The following PVT1 variants were observed in gnomAD, a reference collection of about 807,000 sequenced individuals.
PVT1 encodes Pvt1 oncogene, also known as CXCR4/PVT1 fusion.
At chr8:128,018,646 G>A (rs1817400511) in intron 4 of PVT1, among the ~76,000 whole-genome samples, 2 of 152,206 alleles carry the variant, frequency 1.3e-5, no homozygotes, top group African/African-American at 2.4e-5. Flanking sequence ...GAGAGCTTCA[G>A]CTCGTCTGTG....
intron 2 of PVT1, among the ~76,000 whole-genome samples, chr8:127,870,274 GACACAGCT>G (rs1815338025): frequency 6.6e-6 from 1 of 152,144 alleles, no homozygotes; most frequent in Admixed American, 6.5e-5. Flanking sequence ...AGATTAGAGT[GACACAGCT>G]ACAAGCCAAG....
chr8:128,033,959 G>A (rs1283139003), intron 4 of PVT1, among the ~76,000 whole-genome samples: 2 of 152,068 alleles, frequency 1.3e-5, no homozygotes, highest in African/African-American at 4.8e-5. Context: ...GTGATTCCTG[G>A]GTGGCCAGAG....
rs1032964520 is a variant in PVT1 at position 127,943,670 on chromosome 8, G to GTGT, written n.783-45489_783-45487dup. Among the ~76,000 whole-genome samples, 19 of 152,314 alleles carry GTGT rather than the reference G, an allele frequency of 1.2e-4. No homozygotes were observed. The East Asian group carries it at 3.7e-3, about 29-fold the overall frequency. On this transcript the variant is annotated intron_variant and non_coding_transcript_variant, in intron 3 of 10. Coordinates refer to ENST00000651587, the Ensembl canonical transcript of PVT1. Reference sequence around the variant, plus strand: ...CATTGCCACATGTTCTTTTGTGGTGGTGTTGGTGGTGGTGCGTACATATGT... The same window carrying GTGT: ...CATTGCCACATGTTCTTTTGTGGTGGTGTTGTTGGTGGTGGTGCGTACATATGT...
chr8:127,851,260 C>T (rs944624639), intron 2 of PVT1, among the ~76,000 whole-genome samples: 4 of 152,042 alleles, frequency 2.6e-5, no homozygotes, highest in Non-Finnish European at 4.4e-5. Flanking sequence ...TTGATGTATT[C>T]GTTTGGAGTG....
At chr8:128,026,964 C>A (rs1219098396) in intron 4 of PVT1, among the ~76,000 whole-genome samples, 1 of 152,146 alleles carries the variant, frequency 6.6e-6, no homozygotes, top group Non-Finnish European at 1.5e-5. Flanking sequence ...CTGCCACCTC[C>A]CAGCCCCTCT....
intron 3 of PVT1, among the ~76,000 whole-genome samples, chr8:127,976,519 C>G (rs552372109): frequency 2.0e-5 from 3 of 152,286 alleles, no homozygotes; most frequent in African/African-American, 7.2e-5. Context: ...CTCCACCTGG[C>G]CCCCAGAAGT....
At chr8:128,041,176 TTG>T (rs1813529136) in intron 4 of PVT1, among the ~76,000 whole-genome samples, 1 of 150,278 alleles carries the variant, frequency 6.7e-6, no homozygotes, top group Non-Finnish European at 1.5e-5. Flanking sequence ...CTGCATGTGT[TTG>T]TGTTTTGTGC....
At chr8:128,051,553 TTCC>T in intron 4 of PVT1, among the ~76,000 whole-genome samples, 1 of 152,242 alleles carries the variant, frequency 6.6e-6, no homozygotes, top group East Asian at 1.9e-4. Context: ...TCTGCTTTTA[TTCC>T]TCCTCTTGAG....
chr8:127,927,825 G>A (rs1816149694), intron 3 of PVT1, among the ~76,000 whole-genome samples: 1 of 152,238 alleles, frequency 6.6e-6, no homozygotes, highest in South Asian at 2.1e-4. Flanking sequence ...GGCATCCTCT[G>A]AATTCACGAG....
chr8:128,031,710 T>C (rs1490120019), intron 4 of PVT1, among the ~76,000 whole-genome samples: 1 of 150,760 alleles, frequency 6.6e-6, no homozygotes, highest in Non-Finnish European at 1.5e-5. Context: ...CTGTTTTAAC[T>C]GATTTTTATA....
At chr8:127,811,211 G>C (rs542070347) in intron 2 of PVT1, among the ~76,000 whole-genome samples, 11 of 152,170 alleles carry the variant, frequency 7.2e-5, no homozygotes, top group Admixed American at 1.3e-4. Context: ...CATGCCAAAA[G>C]ATAGACCCAG....
chr8:127,947,735 G>A (rs1285244603), intron 3 of PVT1: 3 of 456,400 alleles, frequency 6.6e-6, no homozygotes, highest in African/African-American at 2.0e-5. Context: ...ATGGAAGACT[G>A]AAGAAAAGGC....
rs563743469 is a variant in PVT1 at position 128,042,691 on chromosome 8, A to G, written n.913-27469A>G. On this transcript the variant is annotated intron_variant and non_coding_transcript_variant, in intron 4 of 10. Transcript: ENST00000651587. ...TTGCTGTGTGAGCCTTCTCACCTGT[A>G]TGAGCAGTGGGATCACCATCTATGA... is the stretch of plus-strand genomic sequence containing the variant. 5.9e-5 allele frequency among the ~76,000 whole-genome samples: 9 copies of G among 152,326 alleles called. No individual in the cohort carries two copies. In the East Asian group the frequency reaches 1.5e-3, roughly 26 times the overall value.
chr8:127,973,958 G>A (rs1165201297), intron 3 of PVT1, among the ~76,000 whole-genome samples: 2 of 149,372 alleles, frequency 1.3e-5, no homozygotes, highest in Non-Finnish European at 2.9e-5. Flanking sequence ...CCAGCCTGGG[G>A]ACAGAGCGAG....
At position 128,038,552 on chromosome 8, in the gene PVT1, G is replaced by A. The variant is rs571060252; in HGVS notation, n.913-31608G>A. 1.3e-4 allele frequency among the ~76,000 whole-genome samples: 20 copies of A among 152,292 alleles called. No homozygotes were observed. The East Asian group carries it at 3.9e-3, about 29-fold the overall frequency. On this transcript the variant is annotated intron_variant and non_coding_transcript_variant, in intron 4 of 10. Coordinates refer to ENST00000651587, the Ensembl canonical transcript of PVT1. ...AGGGTGCTGGCCTCTGGAGTAACAAGCCTCTGTAAATAATCAAGTCACCCA... is the reference window on the plus strand; with the variant it reads ...AGGGTGCTGGCCTCTGGAGTAACAAACCTCTGTAAATAATCAAGTCACCCA...
chr8:127,921,389 T>A (rs1329617688), intron 3 of PVT1, among the ~76,000 whole-genome samples: 1 of 152,196 alleles, frequency 6.6e-6, no homozygotes, highest in Non-Finnish European at 1.5e-5. Context: ...GCAAAATGAT[T>A]CCTTGGATTA....
intron 2 of PVT1, among the ~76,000 whole-genome samples, chr8:127,874,232 G>A (rs1379973721): frequency 2.6e-5 from 4 of 152,166 alleles, no homozygotes; most frequent in African/African-American, 7.2e-5. Flanking sequence ...ATGATGCCAT[G>A]GGAGCACTGG....
chr8:128,009,833 G>A (rs1354692093), intron 4 of PVT1: 7 of 152,214 alleles, frequency 4.6e-5, no homozygotes, highest in Non-Finnish European at 7.3e-5. Context: ...ATATGCAAGT[G>A]TGGTACTGGA....
chr8:127,888,197 C>G (rs1815550906), intron 2 of PVT1, among the ~76,000 whole-genome samples: 1 of 152,140 alleles, frequency 6.6e-6, no homozygotes, highest in Non-Finnish European at 1.5e-5. Flanking sequence ...GCCTCGGCCT[C>G]CCAAAGTGCT....
Sources: allele counts gnomAD v4.1 joint callset (sites outside exome capture counted in the v4.1 genomes callset), GRCh38; gene constraint gnomAD v4.1.1; transcripts MANE v1.5; gene names NCBI Gene and HGNC (gene_info 2026-07-23, HGNC 2026-07-21).